PUM2: variants seen among roughly 807,000 people sequenced by gnomAD.
PUM2 encodes the protein pumilio RNA binding family member 2.
In PUM2, 57 loss-of-function variants were observed where a neutral mutation model predicts 124.5. That is an observed-to-expected ratio of 0.46 (90% CI 0.37 to 0.57). The LOEUF is 0.57. Among genes scored for constraint, PUM2 ranks in the 20% least tolerant of loss-of-function variants. PUM2 has a pLI of 0.00. For missense variants in PUM2, 1,065 were observed against 1,290.6 expected, an observed-to-expected ratio of 0.83 and a Z score of 2.68; for synonymous variants, 460 against 446.1, an observed-to-expected ratio of 1.03 and a Z score of -0.39.
chr2:20,257,465 T>C (rs1281290565), intron 16 of PUM2, among the ~76,000 whole-genome samples: 1 of 152,198 alleles, frequency 6.6e-6, no homozygotes, highest in Non-Finnish European at 1.5e-5. Flanking sequence ...CCTTCAGTCT[T>C]ATGCTTTCAT....
chr2:20,260,656 A>G (rs761303241), intron 14 of PUM2, among the ~76,000 whole-genome samples, 190 bp from the exon 15 acceptor site: 5 of 152,234 alleles, frequency 3.3e-5, no homozygotes, highest in Non-Finnish European at 5.9e-5. Context: ...TTATCTAAAG[A>G]TAGAGTGACA....
At chr2:20,340,943 T>C (rs1687103021) in intron 1 of PUM2, among the ~76,000 whole-genome samples, 1 of 152,184 alleles carries the variant, frequency 6.6e-6, no homozygotes. Flanking sequence ...AGGTAATAAA[T>C]GAAATTGAAA....
At position 20,263,374 on chromosome 2, in the gene PUM2, G is replaced by T; in HGVS notation, c.2044C>A (p.Leu682Ile). The change falls in exon 14 of 21, where the codon CTA (leucine) becomes ATA (isoleucine). Residue 682 changes from leucine to isoleucine, a missense_variant. Around this residue, in one of 3 missense-constraint regions of PUM2, gnomAD observed 968 missense variants for 1,159.8 expected, o/e 0.83. Coordinates refer to ENST00000361078, the MANE Select transcript of PUM2 (RefSeq NM_015317.5). ...AAGAGCTGGCTGCTGGAGCTAAATA[G>T]ACTGGAAGTGCTTGAAGCACTTCGA... ...KYRSASSTSS[L>I]FSSSSQLFPP... 6.2e-7 allele frequency: 1 copy of T among 1,614,112 alleles called. No individual in the cohort carries two copies. The highest frequency in any genetic ancestry group is 8.5e-7 in the Non-Finnish European group (1 of 1,179,932).
intron 13 of PUM2, 68 bp from the exon 14 acceptor site, chr2:20,263,528 A>G: frequency 4.7e-6 from 7 of 1,487,394 alleles, no homozygotes; most frequent in Non-Finnish European, 6.4e-6. Flanking sequence ...AATTTACTTT[A>G]GCTACAAATT....
At chr2:20,347,222 T>A (rs923339548) in intron 1 of PUM2, among the ~76,000 whole-genome samples, 3 of 152,192 alleles carry the variant, frequency 2.0e-5, no homozygotes, top group African/African-American at 7.2e-5. Flanking sequence ...GCCAACAGCT[T>A]AAATAAACAA....
intron 1 of PUM2, among the ~76,000 whole-genome samples, chr2:20,345,572 C>T (rs1053711977): frequency 3.3e-5 from 5 of 151,756 alleles, no homozygotes; most frequent in South Asian, 2.1e-4. Context: ...ATCTGCAACG[C>T]TCAAAAAAAA....
Position 20,283,222 on chromosome 2 carries a change from G to A in PUM2, c.1445C>T (p.Ala482Val). The change falls in exon 12 of 21, where the codon GCA becomes GTA. Residue 482 changes from alanine to valine, a missense_variant. By Grantham distance (64) the Ala-to-Val change is moderately conservative. Around this residue, in one of 3 missense-constraint regions of PUM2, gnomAD observed 968 missense variants for 1,159.8 expected, o/e 0.83. Transcript: ENST00000361078. Reference sequence around the variant, plus strand: ...GCTACTTGCAGTTCCTCCAGCTGCTGCTGCTGCTGCTGTAAAATAAATTTC... The same window carrying A: ...GCTACTTGCAGTTCCTCCAGCTGCTACTGCTGCTGCTGTAAAATAAATTTC... ...SSAAAQAAAAAAAGGTASSLT... is the reference protein window; with the variant it reads ...SSAAAQAAAAVAAGGTASSLT... 6.2e-7 allele frequency: 1 copy of A among 1,611,138 alleles called. No individual in the cohort carries two copies. Among genetic ancestry groups the A allele is most frequent in the Non-Finnish European group, 8.5e-7 (1 of 1,177,946 alleles).
chr2:20,302,598 A>G (rs1234579377), intron 7 of PUM2, among the ~76,000 whole-genome samples: 2 of 152,182 alleles, frequency 1.3e-5, no homozygotes, highest in African/African-American at 2.4e-5. Context: ...GCACACATGG[A>G]TCTATTTCAA....
chr2:20,302,287 CA>C (rs1677178721), intron 7 of PUM2, among the ~76,000 whole-genome samples: 1 of 152,094 alleles, frequency 6.6e-6, no homozygotes, highest in African/African-American at 2.4e-5. Context: ...GTTTACATTC[CA>C]AAAGTATGAG....
intron 7 of PUM2, among the ~76,000 whole-genome samples, chr2:20,298,549 T>G (rs1676201675): frequency 1.3e-5 from 2 of 152,096 alleles, no homozygotes; most frequent in Admixed American, 1.3e-4. Flanking sequence ...AAAAATTACT[T>G]CACGAGACCC....
chr2:20,268,112 G>C (rs190290466), intron 13 of PUM2, among the ~76,000 whole-genome samples: 1 of 152,202 alleles, frequency 6.6e-6, no homozygotes, highest in East Asian at 1.9e-4. Context: ...TACCCTCTGG[G>C]ATTGGAATGA....
At chr2:20,263,159 C>T in intron 14 of PUM2, 34 bp downstream of exon 14, 1 of 1,535,200 alleles carries the variant, frequency 6.5e-7, no homozygotes, top group South Asian at 1.2e-5. Context: ...ATTTTCAAAG[C>T]AAAAATGAAG....
At chr2:20,279,488 C>T (rs1460290642) in intron 12 of PUM2, among the ~76,000 whole-genome samples, 1 of 152,150 alleles carries the variant, frequency 6.6e-6, no homozygotes, top group Non-Finnish European at 1.5e-5. Context: ...CAAAGACATA[C>T]TTTCACTTAT....
intron 13 of PUM2, among the ~76,000 whole-genome samples, chr2:20,273,610 A>C (rs2148751518): frequency 6.6e-6 from 1 of 152,320 alleles, no homozygotes; most frequent in Non-Finnish European, 1.5e-5. Context: ...TAGTAACGTA[A>C]TTTCTTCAAA....
chr2:20,318,676 T>C lies in PUM2; in HGVS notation c.52-31A>G, dbSNP rs563116333. The C allele has an allele frequency of 5.8e-5, 85 of 1,453,160 alleles. 1 individual carries two copies. In the South Asian group the frequency reaches 9.8e-4, roughly 17 times the overall value. The allele number at this position is 1,453,160 out of a possible 1,614,324, so 90.0% of individuals were successfully genotyped here. On this transcript the variant is annotated intron_variant, in intron 2 of 20. Coordinates refer to ENST00000361078, the MANE Select transcript of PUM2 (RefSeq NM_015317.5). ...TGGAGGAAAAATTACAGTTAAATTTTATTCTAATTACAAAGAATTAATATA... is the reference window on the plus strand; with the variant it reads ...TGGAGGAAAAATTACAGTTAAATTTCATTCTAATTACAAAGAATTAATATA...
intron 15 of PUM2, among the ~76,000 whole-genome samples, chr2:20,258,903 A>C (rs1005872183): frequency 6.6e-6 from 1 of 150,606 alleles, no homozygotes; most frequent in African/African-American, 2.4e-5. Context: ...TCCTGACCTC[A>C]TGATCCACCC....
Position 20,263,233 on chromosome 2 carries a change from C to T in PUM2, c.2185G>A (p.Gly729Arg), listed in dbSNP as rs759849305. 6.2e-7 allele frequency: 1 copy of T among 1,604,536 alleles called. No homozygotes were observed. The highest frequency in any genetic ancestry group is 1.7e-5 in the Admixed American group (1 of 60,010). The change falls in exon 14 of 21, where the codon GGA becomes AGA. Residue 729 changes from glycine (G) to arginine (R), a missense_variant. Coordinates refer to ENST00000361078, the MANE Select transcript of PUM2 (RefSeq NM_015317.5). ...TCTTGAGAAAACTCAACTATATGTC[C>T]AATCAAGTCTCTAAGCTGAAGGTTT... Reference protein sequence around the residue: ...FPNLQLRDLIGHIVEFSQDQH... With the variant: ...FPNLQLRDLIRHIVEFSQDQH...
chr2:20,251,379 G>A lies in PUM2; in HGVS notation c.*206C>T, dbSNP rs1267768137. The stretch of plus-strand genomic sequence containing the variant: ...TCCAATCTGATAGGTCTCCACTCAG[G>A]GCTGAATATAATTTATAATTCATCC... On this transcript the variant is annotated 3_prime_UTR_variant, in exon 21 of 21. Transcript: ENST00000361078. The A allele has an allele frequency of 3.8e-5, 20 of 529,766 alleles. No homozygotes were observed. Among genetic ancestry groups the A allele is most frequent in the Non-Finnish European group, 6.4e-5 (20 of 314,406 alleles). 32.8% of individuals were successfully genotyped at this position (529,766 alleles called of 1,614,324 possible).
Position 20,255,315 on chromosome 2 carries a change from A to G in PUM2, c.2649T>C (p.Tyr883=). The G allele has an allele frequency of 3.1e-6, 5 of 1,612,704 alleles. No individual in the cohort carries two copies. The highest frequency in any genetic ancestry group is 2.2e-5 in the South Asian group (2 of 91,036). ...GGATGCGCTGAATTACTCTGCAGCC[A>G]TAAGGATGAGTTGAAAGCACAAATA... ...GQVFVLSTHP[Y]GCRVIQRILE... Residue 883 remains tyrosine (Y), a synonymous_variant, in exon 18 of 21, where the codon TAT becomes TAC. Transcript: ENST00000361078.
Sources: gnomAD v4.1 joint callset for allele counts (sites outside exome capture counted in the v4.1 genomes callset) on GRCh38, gnomAD v4.1.1 for gene constraint, gnomAD v4.1.1 regional missense constraint, MANE v1.5 for transcripts, NCBI Gene and HGNC (gene_info 2026-07-23, HGNC 2026-07-21) for gene names.